The following ST8SIA4 variants were observed in gnomAD, a reference collection of about 807,000 sequenced individuals.
The protein encoded by ST8SIA4 is CMP-N-acetylneuraminate-poly-alpha-2,8-sialyltransferase.
A neutral mutation model predicts 33.9 loss-of-function variants in ST8SIA4; 15 were observed. The observed-to-expected ratio is 0.44, with a 90% CI of 0.30 to 0.68. The LOEUF is 0.68. Ranked by LOEUF, ST8SIA4 falls within the 30% of genes least tolerant of loss-of-function variation. ST8SIA4 has a pLI of 0.10. For missense variants in ST8SIA4, 321 were observed against 428.0 expected, an observed-to-expected ratio of 0.75 and a Z score of 2.21; for synonymous variants, 171 against 151.2, an observed-to-expected ratio of 1.13 and a Z score of -0.96.
In ST8SIA4 at chr5:100,902,956, CT is replaced by C. The variant is rs1752954991; in HGVS notation, c.-2del. On this transcript the variant is annotated 5_prime_UTR_variant, in exon 1 of 5. Transcript: ENST00000231461. The stretch of plus-strand genomic sequence containing the variant: ...TCCACCTCTTCCTAATGGAGCGCAT[CT>C]TGGGTGCCCGAGAAAGTCCTGGTTG... 6.2e-7 allele frequency: 1 copy of C among 1,613,352 alleles called. No individual in the cohort carries two copies. The highest frequency in any genetic ancestry group is 1.3e-5 in the African/African-American group (1 of 74,900).
At chr5:100,892,139 C>T (rs1312070894) in intron 2 of ST8SIA4, among the ~76,000 whole-genome samples, 2 of 151,918 alleles carry the variant, frequency 1.3e-5, no homozygotes, top group Non-Finnish European at 2.9e-5. Flanking sequence ...GATGTTTGCA[C>T]TTTTCGGGGT....
At chr5:100,895,512 C>A in intron 2 of ST8SIA4, 142 bp downstream of exon 2, 1 of 739,740 alleles carries the variant, frequency 1.4e-6, no homozygotes, top group South Asian at 2.4e-5. Flanking sequence ...CTTCAGTGAG[C>A]AACATTAAAT....
intron 1 of ST8SIA4, among the ~76,000 whole-genome samples, chr5:100,899,151 C>T (rs931866226): frequency 6.6e-6 from 1 of 152,124 alleles, no homozygotes; most frequent in African/African-American, 2.4e-5. Context: ...CTCTTCATGA[C>T]TTGGCTTTTG....
intron 3 of ST8SIA4, among the ~76,000 whole-genome samples, chr5:100,883,622 C>G (rs923860179): frequency 9.2e-5 from 14 of 152,132 alleles, no homozygotes; most frequent in Non-Finnish European, 1.5e-5. Flanking sequence ...AAATTGTACT[C>G]TTATAATTCC....
chr5:100,880,665 T>C (rs1752399571), intron 3 of ST8SIA4, among the ~76,000 whole-genome samples: 1 of 152,202 alleles, frequency 6.6e-6, no homozygotes, highest in South Asian at 2.1e-4. Context: ...GGAACTATTG[T>C]AGAGTTCTAA....
intron 3 of ST8SIA4, among the ~76,000 whole-genome samples, chr5:100,856,913 C>G (rs569708352): frequency 6.6e-6 from 1 of 152,222 alleles, no homozygotes; most frequent in South Asian, 2.1e-4. Context: ...AGTGCAATTC[C>G]TTATAGTGTT....
chr5:100,887,274 T>C (rs1016677841), intron 2 of ST8SIA4, among the ~76,000 whole-genome samples: 6 of 152,086 alleles, frequency 3.9e-5, no homozygotes, highest in African/African-American at 1.4e-4. Flanking sequence ...AATTGTTCCT[T>C]AGTTTCCTTT....
chr5:100,883,967 C>G (rs1183973084), intron 3 of ST8SIA4, among the ~76,000 whole-genome samples: 3 of 152,146 alleles, frequency 2.0e-5, no homozygotes, highest in Admixed American at 2.0e-4. Context: ...AAAATTAGAT[C>G]TGTTGATTGA....
intron 3 of ST8SIA4, among the ~76,000 whole-genome samples, chr5:100,881,894 T>C (rs1752433514): frequency 6.6e-6 from 1 of 152,220 alleles, no homozygotes; most frequent in Admixed American, 6.5e-5. Flanking sequence ...CCCACCATAA[T>C]TCTGAGGCCT....
At chr5:100,862,406 T>C (rs564745977) in intron 3 of ST8SIA4, among the ~76,000 whole-genome samples, 14 of 152,136 alleles carry the variant, frequency 9.2e-5, no homozygotes, top group Non-Finnish European at 1.9e-4. Flanking sequence ...CTTTATTTCT[T>C]TATTTATTTT....
chr5:100,882,622 C>T (rs1478425632), intron 3 of ST8SIA4, among the ~76,000 whole-genome samples: 1 of 152,230 alleles, frequency 6.6e-6, no homozygotes, highest in Non-Finnish European at 1.5e-5. Context: ...ATGGCAGCCT[C>T]TCCCATCACA....
intron 3 of ST8SIA4, among the ~76,000 whole-genome samples, chr5:100,870,924 A>C (rs746143352): frequency 5.3e-5 from 8 of 152,140 alleles, no homozygotes; most frequent in Non-Finnish European, 1.2e-4. Flanking sequence ...AAGCAAAATT[A>C]CTGGAGAAAA....
At chr5:100,893,241 A>T (rs1752711111) in intron 2 of ST8SIA4, among the ~76,000 whole-genome samples, 1 of 152,098 alleles carries the variant, frequency 6.6e-6, no homozygotes, top group Non-Finnish European at 1.5e-5. Flanking sequence ...CATATTCTAA[A>T]TTTTTTTATT....
rs561533314 is a variant in ST8SIA4 at position 100,840,158 on chromosome 5, A to G, written c.797+15945T>C. Among the ~76,000 whole-genome samples, 10 of 151,956 alleles carry G rather than the reference A, an allele frequency of 6.6e-5. No individual in the cohort carries two copies. The South Asian group carries it at 1.9e-3, about 28-fold the overall frequency. Reference sequence around the variant, plus strand: ...TAATACCTGAAATGAGAATTTTCAAATGTGTTTAGATTTCTCCAAGTTCTT... The same window carrying G: ...TAATACCTGAAATGAGAATTTTCAAGTGTGTTTAGATTTCTCCAAGTTCTT... On this transcript the variant is annotated intron_variant, in intron 4 of 4. Transcript: ENST00000231461.
chr5:100,823,789 T>A (rs1324534679), intron 4 of ST8SIA4, among the ~76,000 whole-genome samples: 3 of 152,242 alleles, frequency 2.0e-5, no homozygotes. Context: ...ATAGCAATCA[T>A]GAAATTCACT....
intron 4 of ST8SIA4, among the ~76,000 whole-genome samples, chr5:100,824,008 A>T (rs1274541975): frequency 1.3e-5 from 2 of 152,234 alleles, no homozygotes; most frequent in African/African-American, 4.8e-5. Context: ...TTAAAATGGA[A>T]ATGTGATTGA....
At chr5:100,865,511 A>G (rs565658063) in intron 3 of ST8SIA4, among the ~76,000 whole-genome samples, 2 of 152,234 alleles carry the variant, frequency 1.3e-5, no homozygotes, top group South Asian at 4.1e-4. Context: ...CTTTATCTTC[A>G]ACTCTAACTC....
intron 4 of ST8SIA4, among the ~76,000 whole-genome samples, chr5:100,847,622 T>A (rs527808872): frequency 6.6e-6 from 1 of 152,136 alleles, no homozygotes; most frequent in Non-Finnish European, 1.5e-5. Flanking sequence ...GAAAATATAA[T>A]CTGTTTATTT....
At chr5:100,823,793 A>G (rs1751082226) in intron 4 of ST8SIA4, among the ~76,000 whole-genome samples, 1 of 152,224 alleles carries the variant, frequency 6.6e-6, no homozygotes, top group Non-Finnish European at 1.5e-5. Flanking sequence ...CAATCATGAA[A>G]TTCACTTAAA....
Sources: gnomAD v4.1 joint callset for allele counts (sites outside exome capture counted in the v4.1 genomes callset) on GRCh38, gnomAD v4.1.1 for gene constraint, MANE v1.5 for transcripts, NCBI Gene and HGNC (gene_info 2026-07-23, HGNC 2026-07-21) for gene names.